Variants in ATP8B3 observed in about 807,000 individuals in gnomAD.
ATP8B3 encodes phospholipid-transporting ATPase IK.
In ATP8B3, 141 loss-of-function variants were observed where a neutral mutation model predicts 140.9. That is an observed-to-expected ratio of 1.00 (90% CI 0.87 to 1.15). ATP8B3 has a LOEUF of 1.15. ATP8B3 is among the 50% of genes most tolerant of loss of function. The pLI, the probability that ATP8B3 is intolerant of heterozygous loss-of-function variation, is 0.00. For synonymous variants in ATP8B3, 765 were observed against 714.6 expected (o/e 1.07, Z -1.13); for missense variants, 1,874 against 1,740.6 (o/e 1.08, Z -1.36).
chr19:1,798,161 G>A (rs1471244083), intron 14 of ATP8B3, among the ~76,000 whole-genome samples: 2 of 151,782 alleles, frequency 1.3e-5, no homozygotes, highest in Non-Finnish European at 2.9e-5. Context: ...AGTAGAGACG[G>A]GGTTTTGTCA....
rs1287124923 is a variant in ATP8B3, at chr19:1,785,525, G to A, written c.3337C>T (p.His1113Tyr). The change falls in exon 26 of 29, where the codon CAC becomes TAC. Residue 1113 changes from histidine (H) to tyrosine (Y), a missense_variant. By Grantham distance (83) the His-to-Tyr change is moderately conservative. Around this residue, in one of 3 missense-constraint regions of ATP8B3, gnomAD observed 840 missense variants for 760.9 expected, o/e 1.10. Coordinates refer to ENST00000310127, the MANE Select transcript of ATP8B3 (RefSeq NM_138813.4). The part of the protein sequence containing the change: ...DTAGPASFSD[H>Y]QSFAVVVALS... ...GCCACCACGACCGCAAAGGACTGGT[G>A]GTCGCTGAAGCTGGCGGGTCCCGCC... is the stretch of plus-strand genomic sequence containing the variant. 2 of 1,613,082 alleles carry A rather than the reference G, an allele frequency of 1.2e-6. No individual in the cohort carries two copies. Among genetic ancestry groups the A allele is most frequent in the Non-Finnish European group, 1.7e-6 (2 of 1,179,890 alleles).
rs1243705684 is a variant in ATP8B3, at chr19:1,808,780, G to C, written c.403-445C>G. On this transcript the variant is annotated intron_variant, in intron 4 of 28. Coordinates refer to ENST00000310127, the MANE Select transcript of ATP8B3 (RefSeq NM_138813.4). ...TGTACTTTCAGGTTGGGTATTAACT[G>C]ACCCTCACGTGCACTGGGACAGGGC... Among the ~76,000 whole-genome samples the C allele has an allele frequency of 2.0e-5, 3 of 152,224 alleles. No individual in the cohort carries two copies. In the East Asian group the frequency reaches 5.8e-4, roughly 29 times the overall value.
chr19:1,800,837 T>A lies in ATP8B3; in HGVS notation c.1153-388A>T, dbSNP rs866501934. On this transcript the variant is annotated intron_variant, in intron 12 of 28. Transcript: ENST00000310127. This position sits in a 1 kb window ranked among gnomAD's most constrained non-coding sequence, Gnocchi z 4.4. The stretch of plus-strand genomic sequence containing the variant: ...AAAAACTTTTTTTTTTTTAATTTTT[T>A]TTTTTTTTTGAGACAGAGTCTCGCT... Among the ~76,000 whole-genome samples, 113 of 150,994 alleles carry A rather than the reference T, an allele frequency of 7.5e-4. 1 individual carries two copies. Among genetic ancestry groups the A allele is most frequent in the Middle Eastern group, 3.4e-3 (1 of 290 alleles).
rs1600475513 is a variant in ATP8B3 at position 1,806,154 on chromosome 19, T to C, written c.693A>G (p.Lys231=). The C allele has an allele frequency of 6.3e-7, 1 of 1,596,458 alleles. No homozygotes were observed. The highest frequency in any genetic ancestry group is 2.3e-5 in the East Asian group (1 of 43,920). Reference sequence around the variant, plus strand: ...CATCCCCCACGCACAGATCCTGCCATTTCTTCTGCTTGAAGCTGCGGGGAG... The same window carrying C: ...CATCCCCCACGCACAGATCCTGCCACTTCTTCTGCTTGAAGCTGCGGGGAG... ...ILMGKSFKQK[K]WQDLCVGDVV... is the part of the protein sequence containing the mutation. Residue 231 remains lysine, a synonymous_variant, in exon 8 of 29, where the codon AAA becomes AAG. Coordinates refer to ENST00000310127, the MANE Select transcript of ATP8B3 (RefSeq NM_138813.4). This position sits in a 1 kb window ranked among gnomAD's most constrained non-coding sequence, Gnocchi z 5.6.
chr19:1,809,739 A>T lies in ATP8B3; in HGVS notation c.311-5T>A, dbSNP rs1417929913. On this transcript the variant is annotated splice_polypyrimidine_tract_variant and splice_region_variant and intron_variant, in intron 3 of 28. Transcript: ENST00000310127. ...CCTGGACCTTCCAGGTGAATGCTGC[A>T]GCGAGAGAGCCGGGCGTCGCTGGAG... The T allele has an allele frequency of 4.4e-6, 7 of 1,603,416 alleles. No individual in the cohort carries two copies. The highest frequency in any genetic ancestry group is 6.0e-6 in the Non-Finnish European group (7 of 1,175,434).
rs368056747 is a variant in ATP8B3, at chr19:1,800,003, G to A, written c.1496C>T (p.Thr499Met). 1.7e-5 allele frequency: 27 copies of A among 1,606,528 alleles called. No individual in the cohort carries two copies. The highest frequency in any genetic ancestry group is 6.8e-5 in the Admixed American group (4 of 59,190). ...GAAGGTCAAGATGTTCTGCGTGAGC[G>A]TGCCCGTCTTGTCCGAGAAGATGTA... The part of the protein sequence containing the change: ...VEYIFSDKTG[T>M]LTQNILTFNK... Residue 499 changes from threonine to methionine, a missense_variant, in exon 14 of 29, where the codon ACG becomes ATG. Physicochemically the swap from Thr to Met is moderately conservative, Grantham distance 81. Around this residue, in one of 3 missense-constraint regions of ATP8B3, gnomAD observed 1,032 missense variants for 963.6 expected, o/e 1.07. Transcript: ENST00000310127. This position sits in a 1 kb window ranked among gnomAD's most constrained non-coding sequence, Gnocchi z 4.4.
At position 1,789,916 on chromosome 19, in the gene ATP8B3, C is replaced by G; in HGVS notation, c.2452G>C (p.Ala818Pro). The G allele has an allele frequency of 6.2e-7, 1 of 1,612,022 alleles. No individual in the cohort carries two copies. Among genetic ancestry groups the G allele is most frequent in the Admixed American group, 1.7e-5 (1 of 60,008 alleles). The change falls in exon 22 of 29, where the codon GCC (alanine) becomes CCC (proline). Residue 818 changes from alanine (A) to proline (P), a missense_variant. By Grantham distance (27) the Ala-to-Pro change is conservative. This residue lies in a region of ATP8B3 where 840 missense variants were observed against 760.9 expected (regional missense o/e 1.10). Coordinates refer to ENST00000310127, the MANE Select transcript of ATP8B3 (RefSeq NM_138813.4). ...TRESLSQVKLALVINGDFLDK... is the reference protein window; with the variant it reads ...TRESLSQVKLPLVINGDFLDK... ...AGGAAGTCTCCGTTAATGACCAAGGCCAGCTTGACCTGCGACAGGGACTCC... is the reference window on the plus strand; with the variant it reads ...AGGAAGTCTCCGTTAATGACCAAGGGCAGCTTGACCTGCGACAGGGACTCC...
At position 1,789,380 on chromosome 19, in the gene ATP8B3, G is replaced by T; in HGVS notation, c.2826C>A (p.Asn942Lys). 1.3e-6 allele frequency: 2 copies of T among 1,575,086 alleles called. No homozygotes were observed. The change falls in exon 23 of 29, where the codon AAC becomes AAA. Residue 942 changes from asparagine (N) to lysine (K), a missense_variant. Around this residue, in one of 3 missense-constraint regions of ATP8B3, gnomAD observed 840 missense variants for 760.9 expected, o/e 1.10. Coordinates refer to ENST00000310127, the MANE Select transcript of ATP8B3 (RefSeq NM_138813.4). ...VVTLAIGDGA[N>K]DINMIKTADV... Reference sequence around the variant, plus strand: ...ACCCACTCTTGATCATGTTGATGTCGTTGGCACCGTCCCCGATGGCCAGGG... The same window carrying T: ...ACCCACTCTTGATCATGTTGATGTCTTTGGCACCGTCCCCGATGGCCAGGG...
Position 1,806,256 on chromosome 19 carries a change from G to A in ATP8B3, c.678-87C>T, listed in dbSNP as rs543539332. On this transcript the variant is annotated intron_variant, in intron 7 of 28. Coordinates refer to ENST00000310127, the MANE Select transcript of ATP8B3 (RefSeq NM_138813.4). The surrounding 1 kb of genome is among the most constrained non-coding windows in gnomAD (Gnocchi z 5.6). Reference sequence around the variant, plus strand: ...GACCAGAGGCACGGGATGACGGGGGGCCCGCAGCTGCAGTCCCCACCTCCG... The same window carrying A: ...GACCAGAGGCACGGGATGACGGGGGACCCGCAGCTGCAGTCCCCACCTCCG... 5.9e-6 allele frequency: 9 copies of A among 1,528,664 alleles called. No individual in the cohort carries two copies. The highest frequency in any genetic ancestry group is 4.9e-5 in the South Asian group (4 of 82,168). 94.7% of individuals were successfully genotyped at this position (1,528,664 alleles called of 1,614,324 possible). A position where few individuals can be genotyped will look rare whatever the true frequency, so the allele number is the denominator to read the frequency against.
chr19:1,805,304 A>G lies in ATP8B3; in HGVS notation c.904+70T>C, dbSNP rs1308347946. 2 of 1,432,836 alleles carry G rather than the reference A, an allele frequency of 1.4e-6. No homozygotes were observed. Among genetic ancestry groups the G allele is most frequent in the Admixed American group, 3.9e-5 (2 of 50,790 alleles). The allele number at this position is 1,432,836 out of a possible 1,614,324, so 88.8% of individuals were successfully genotyped here. On this transcript the variant is annotated intron_variant, in intron 10 of 28. Coordinates refer to ENST00000310127, the MANE Select transcript of ATP8B3 (RefSeq NM_138813.4). This position sits in a 1 kb window ranked among gnomAD's most constrained non-coding sequence, Gnocchi z 5.2. The stretch of plus-strand genomic sequence containing the variant: ...CCTTGTTTTAAAAACAGTAATAACA[A>G]CAACAAAATACCCTAACTTTTAACT...
In ATP8B3 at chr19:1,805,354, C is replaced by T. The variant is rs2068977253; in HGVS notation, c.904+20G>A. ...TTTTACAGATTCGAGGGACGTGACTCCCTGCTCAACGCCTCTCACCTTGAA... is the reference window on the plus strand; with the variant it reads ...TTTTACAGATTCGAGGGACGTGACTTCCTGCTCAACGCCTCTCACCTTGAA... On this transcript the variant is annotated intron_variant, in intron 10 of 28. Coordinates refer to ENST00000310127, the MANE Select transcript of ATP8B3 (RefSeq NM_138813.4). The surrounding 1 kb of genome is among the most constrained non-coding windows in gnomAD (Gnocchi z 5.2). The T allele has an allele frequency of 1.3e-6, 2 of 1,546,574 alleles. No individual in the cohort carries two copies. Among genetic ancestry groups the T allele is most frequent in the Admixed American group, 1.9e-5 (1 of 51,742 alleles).
At chr19:1,798,519 A>G (rs1268358700) in intron 14 of ATP8B3, among the ~76,000 whole-genome samples, 9 of 151,638 alleles carry the variant, frequency 5.9e-5, no homozygotes, top group Non-Finnish European at 8.8e-5. Flanking sequence ...CAGGCAGATC[A>G]CGAGGTCAGG....
chr19:1,802,730 C>T (rs866952302), intron 10 of ATP8B3, 85 bp from the exon 11 acceptor site: 13 of 1,477,162 alleles, frequency 8.8e-6, no homozygotes, highest in Admixed American at 2.0e-5. Flanking sequence ...TGAGAACATT[C>T]CGGCCACCCT....
Position 1,791,859 on chromosome 19 carries a change from C to A in ATP8B3, c.2193G>T (p.Leu731=). Residue 731 remains leucine, a splice_region_variant and synonymous_variant, in exon 20 of 29, where the codon CTG becomes CTT. Transcript: ENST00000310127. ...TGTCCTCGATGGCTGTGGCTCCCAG[C>A]AGCTGGTGGGGGAGGAGGGCAGGGC... ...LQNRAQALQQ[L]LGATAIEDRL... is the part of the protein sequence containing the mutation. The A allele has an allele frequency of 6.2e-7, 1 of 1,610,742 alleles. No individual in the cohort carries two copies. Among genetic ancestry groups the A allele is most frequent in the Non-Finnish European group, 8.5e-7 (1 of 1,179,652 alleles).
Position 1,809,716 on chromosome 19 carries a change from TG to T in ATP8B3, c.328del (p.Gln110ArgfsTer15). ...DRNSAFTWKV[Q>X]ANNRAYNGQF... ...CCCGTTGTAGGCACGGTTGTTGGCC[TG>T]GACCTTCCAGGTGAATGCTGCAGCG... On this transcript the variant is annotated frameshift_variant, in exon 4 of 29. Coordinates refer to ENST00000310127, the MANE Select transcript of ATP8B3 (RefSeq NM_138813.4). LOFTEE classifies it high-confidence loss of function. The T allele has an allele frequency of 6.2e-7, 1 of 1,609,710 alleles. No individual in the cohort carries two copies. Among genetic ancestry groups the T allele is most frequent in the South Asian group, 1.1e-5 (1 of 90,194 alleles).
chr19:1,807,080 C>T lies in ATP8B3; in HGVS notation c.615+88G>A. 8.2e-7 allele frequency: 1 copy of T among 1,216,990 alleles called. No individual in the cohort carries two copies. The highest frequency in any genetic ancestry group is 1.2e-6 in the Non-Finnish European group (1 of 830,914). 75.4% of individuals were successfully genotyped at this position (1,216,990 alleles called of 1,614,324 possible). On this transcript the variant is annotated intron_variant, in intron 6 of 28. Coordinates refer to ENST00000310127, the MANE Select transcript of ATP8B3 (RefSeq NM_138813.4). This position sits in a 1 kb window ranked among gnomAD's most constrained non-coding sequence, Gnocchi z 5.9. Reference sequence around the variant, plus strand: ...TCCCCTAATGCTCCAGGAAGCCCAGCCCTCCTCCCACTCTCGCCCAGGGAT... The same window carrying T: ...TCCCCTAATGCTCCAGGAAGCCCAGTCCTCCTCCCACTCTCGCCCAGGGAT...
In ATP8B3 at chr19:1,789,362, C is replaced by G. The variant is rs751741545; in HGVS notation, c.2844G>C (p.Lys948Asn). 1.9e-6 allele frequency: 3 copies of G among 1,546,252 alleles called. No homozygotes were observed. The highest frequency in any genetic ancestry group is 2.4e-5 in the East Asian group (1 of 42,108). The stretch of plus-strand genomic sequence containing the variant: ...CCCAGCCCCGCCGCCGCCACCCACT[C>G]TTGATCATGTTGATGTCGTTGGCAC... ...GDGANDINMI[K>N]TADVGVGLAG... is the part of the protein sequence containing the mutation. The change falls in exon 23 of 29, where the codon AAG becomes AAC. Residue 948 changes from lysine (K) to asparagine (N), a missense_variant and splice_region_variant. Physicochemically the swap from Lys to Asn is moderately conservative, Grantham distance 94. Transcript: ENST00000310127.
chr19:1,795,603 T>TG (rs1424949897), intron 18 of ATP8B3, among the ~76,000 whole-genome samples: 15 of 151,976 alleles, frequency 9.9e-5, no homozygotes, highest in Non-Finnish European at 2.2e-4. Flanking sequence ...GCTCTCTCTC[T>TG]GGGGGCTACA....
intron 20 of ATP8B3, among the ~76,000 whole-genome samples, chr19:1,791,216 A>G (rs1445177137): frequency 6.7e-6 from 1 of 149,270 alleles, no homozygotes; most frequent in Non-Finnish European, 1.5e-5. Context: ...CCTGAAAATC[A>G]CTTTTTTTTT....
Sources: gnomAD v4.1 joint callset for allele counts (sites outside exome capture counted in the v4.1 genomes callset) on GRCh38, gnomAD v4.1.1 for gene constraint, gnomAD v4.1.1 regional missense constraint, Gnocchi (gnomAD v3.1) non-coding constraint, MANE v1.5 for transcripts, NCBI Gene and HGNC (gene_info 2026-07-23, HGNC 2026-07-21) for gene names.